Variants in CCDC171 observed in about 807,000 individuals in gnomAD.
The protein encoded by CCDC171 is coiled-coil domain-containing protein 171.
CCDC171 carries 177 observed loss-of-function variants against 168.2 expected under a neutral mutation model. The ratio of observed to expected loss-of-function variants is 1.05; its 90% CI spans 0.93 to 1.19. The LOEUF is 1.19. Ranked by LOEUF, CCDC171 falls within the 50% of genes most tolerant of loss-of-function variation. The pLI, the probability that CCDC171 is intolerant of heterozygous loss-of-function variation, is 0.00. For missense variants in CCDC171, 1,991 were observed against 1,539.0 expected, an observed-to-expected ratio of 1.29 and a Z score of -4.91; for synonymous variants, 687 against 540.8, an observed-to-expected ratio of 1.27 and a Z score of -3.75.
intron 25 of CCDC171, among the ~76,000 whole-genome samples, chr9:15,944,534 A>G (rs770839551): frequency 7.2e-5 from 11 of 151,988 alleles, no homozygotes; most frequent in Non-Finnish European, 1.2e-4. Context: ...TTATGGGGAT[A>G]TATTATTTTT....
intron 16 of CCDC171, among the ~76,000 whole-genome samples, chr9:15,743,781 A>G (rs1377868839): frequency 6.6e-6 from 1 of 152,212 alleles, no homozygotes; most frequent in Non-Finnish European, 1.5e-5. Flanking sequence ...CTCATGCAGT[A>G]AATGGTAGAC....
chr9:16,095,066 GC>G, the CCDC171 span, among the ~76,000 whole-genome samples: 1 of 152,054 alleles, frequency 6.6e-6, no homozygotes, highest in African/African-American at 2.4e-5. Context: ...GTTTCCTGAG[GC>G]CCCCCAGCCA....
chr9:15,567,466 T>G (rs1174472084), intron 2 of CCDC171, among the ~76,000 whole-genome samples: 1 of 152,224 alleles, frequency 6.6e-6, no homozygotes, highest in Non-Finnish European at 1.5e-5. Context: ...CTTTTCAGTT[T>G]CTGCAAAAAT....
intron 25 of CCDC171, among the ~76,000 whole-genome samples, chr9:15,961,943 A>G (rs531334021): frequency 6.6e-6 from 1 of 152,184 alleles, no homozygotes; most frequent in Non-Finnish European, 1.5e-5. Flanking sequence ...AGGGTCAGCA[A>G]ATCTACATGC....
intron 1 of CCDC171, among the ~76,000 whole-genome samples, chr9:15,558,002 G>A (rs1229269324): frequency 6.6e-6 from 1 of 152,100 alleles, no homozygotes; most frequent in Non-Finnish European, 1.5e-5. Context: ...TAATCATGTG[G>A]TTTTTGTCAT....
At chr9:15,720,796 C>T (rs998540405) in intron 11 of CCDC171, among the ~76,000 whole-genome samples, 4 of 152,228 alleles carry the variant, frequency 2.6e-5, no homozygotes, top group Non-Finnish European at 5.9e-5. Context: ...CCCATTAACT[C>T]GTCATTTACA....
chr9:15,630,697 C>G (rs933481832), intron 7 of CCDC171, among the ~76,000 whole-genome samples: 1 of 152,176 alleles, frequency 6.6e-6, no homozygotes, highest in African/African-American at 2.4e-5. Context: ...CTACAGAACT[C>G]TCCACCCCAA....
rs1449557777 is a variant in CCDC171 at position 15,744,398 on chromosome 9, G to A, written c.2175G>A (p.Met725Ile). ...KLLSQTQREQ[M>I]SLLAACALMA... ...TATCACAGACTCAAAGGGAACAGATGTCCTTGCTGGCAGCCTGTGCATTAA... is the reference window on the plus strand; with the variant it reads ...TATCACAGACTCAAAGGGAACAGATATCCTTGCTGGCAGCCTGTGCATTAA... Residue 725 changes from methionine (M) to isoleucine (I), a missense_variant, in exon 17 of 26, where the codon ATG becomes ATA. Coordinates refer to ENST00000380701, the MANE Select transcript of CCDC171 (RefSeq NM_173550.4). 12 of 1,614,064 alleles carry A rather than the reference G, an allele frequency of 7.4e-6. No homozygotes were observed. The East Asian group carries it at 2.5e-4, about 33-fold the overall frequency.
chr9:15,700,115 T>G lies in CCDC171; in HGVS notation c.1318+4778T>G, dbSNP rs939127945. 9.2e-5 allele frequency among the ~76,000 whole-genome samples: 14 copies of G among 152,004 alleles called. 1 individual carries two copies. On this transcript the variant is annotated intron_variant, in intron 11 of 25. Coordinates refer to ENST00000380701, the MANE Select transcript of CCDC171 (RefSeq NM_173550.4). ...AGGGGGCAGTGCTCATCAGGGAGGC[T>G]CCGGTGCACAGGAGCCCATGGAGGG... is the stretch of plus-strand genomic sequence containing the variant.
chr9:15,608,609 AT>A (rs1203340382), intron 6 of CCDC171, among the ~76,000 whole-genome samples: 2 of 151,586 alleles, frequency 1.3e-5, no homozygotes, highest in African/African-American at 2.4e-5. Context: ...GCCAGCTTAT[AT>A]TTTTTGCCTT....
chr9:16,003,557 G>A (rs926588929), intron 3 of CCDC171, among the ~76,000 whole-genome samples: 26 of 152,164 alleles, frequency 1.7e-4, no homozygotes, highest in Admixed American at 5.9e-4. Context: ...ACCTGATAAG[G>A]TGTTGGGGTA....
intron 24 of CCDC171, among the ~76,000 whole-genome samples, chr9:15,897,958 C>CTTAG (rs756102779): frequency 2.0e-4 from 30 of 152,260 alleles, no homozygotes; most frequent in South Asian, 1.0e-3. Context: ...GGACAAGGTA[C>CTTAG]TTAGCATCAC....
rs552848076 is a variant in CCDC171, at chr9:15,749,485, A to G, written c.2671+3854A>G. On this transcript the variant is annotated intron_variant, in intron 18 of 25. Transcript: ENST00000380701. The stretch of plus-strand genomic sequence containing the variant: ...GACCAAGCGGACCTAATAGACATCT[A>G]CAGAACTCTCCACCCCAAATCAAAG... Among the ~76,000 whole-genome samples, 215 of 152,322 alleles carry G rather than the reference A, an allele frequency of 1.4e-3. 1 individual carries two copies. The highest frequency in any genetic ancestry group is 5.0e-3 in the African/African-American group (208 of 41,576).
At chr9:16,057,066 A>G (rs1431745547) in intron 1 of CCDC171, among the ~76,000 whole-genome samples, 2 of 152,240 alleles carry the variant, frequency 1.3e-5, no homozygotes, top group Admixed American at 6.5e-5. Flanking sequence ...AGAAGAAACA[A>G]TAACCTGGAC....
At chr9:15,880,310 C>T (rs372282485) in intron 24 of CCDC171, among the ~76,000 whole-genome samples, 1 of 152,240 alleles carries the variant, frequency 6.6e-6, no homozygotes, top group East Asian at 1.9e-4. Context: ...GTGCAATTCT[C>T]TTTATTCTTT....
At chr9:15,878,894 C>T (rs553003218) in intron 24 of CCDC171, among the ~76,000 whole-genome samples, 1 of 152,142 alleles carries the variant, frequency 6.6e-6, no homozygotes, top group Non-Finnish European at 1.5e-5. Flanking sequence ...CCAAACACCA[C>T]ATGTTCTTGT....
At chr9:15,574,753 C>T (rs1194571915) in intron 3 of CCDC171, among the ~76,000 whole-genome samples, 1 of 152,162 alleles carries the variant, frequency 6.6e-6, no homozygotes, top group East Asian at 1.9e-4. Flanking sequence ...CACAAATGCA[C>T]GGTGATTGGC....
chr9:15,693,733 AT>A (rs201475871), intron 10 of CCDC171, among the ~76,000 whole-genome samples: 1 of 152,116 alleles, frequency 6.6e-6, no homozygotes, highest in African/African-American at 2.4e-5. Context: ...CTATTCTTCC[AT>A]TTTTTCTGTA....
intron 6 of CCDC171, among the ~76,000 whole-genome samples, chr9:15,608,774 ACT>A (rs1196274885): frequency 2.8e-5 from 4 of 144,106 alleles, no homozygotes; most frequent in African/African-American, 1.0e-4. Context: ...CAACAGAGAC[ACT>A]CTCTCTATGA....
Sources: allele counts gnomAD v4.1 joint callset (sites outside exome capture counted in the v4.1 genomes callset), GRCh38; gene constraint gnomAD v4.1.1; transcripts MANE v1.5; gene names NCBI Gene and HGNC (gene_info 2026-07-23, HGNC 2026-07-21).